The following SOX5 variants were observed in gnomAD, a reference collection of about 807,000 sequenced individuals.
SOX5 encodes SRY-box transcription factor 5.
In SOX5, 9 loss-of-function variants were observed where a neutral mutation model predicts 92.0. The ratio of observed to expected loss-of-function variants is 0.10; its 90% CI spans 0.06 to 0.17. The LOEUF (loss-of-function observed/expected upper bound fraction) is 0.17, where lower values mean the gene tolerates loss of function less well. Among genes scored for constraint, SOX5 ranks in the 10% least tolerant of loss-of-function variants. SOX5 has a pLI of 1.00. For synonymous variants in SOX5, 344 were observed against 336.3 expected (o/e 1.02, Z -0.25); for missense variants, 642 against 944.5 (o/e 0.68, Z 4.20).
At chr12:24,117,555 T>C (rs1461944729) in intron 4 of SOX5, among the ~76,000 whole-genome samples, 1 of 152,142 alleles carries the variant, frequency 6.6e-6, no homozygotes, top group East Asian at 1.9e-4. Context: ...AGCCAACATA[T>C]GAAAGCAACC....
At chr12:23,961,147 C>T (rs902955240) in intron 4 of SOX5, among the ~76,000 whole-genome samples, 1 of 152,002 alleles carries the variant, frequency 6.6e-6, no homozygotes, top group African/African-American at 2.4e-5. Flanking sequence ...ATTATTTCAC[C>T]TGTTAGAATG....
chr12:24,544,184 T>A (rs1413427414), intron 1 of SOX5, among the ~76,000 whole-genome samples: 2 of 152,164 alleles, frequency 1.3e-5, no homozygotes, highest in Non-Finnish European at 2.9e-5. Context: ...AAGATTTTAA[T>A]AAGGAAGCTA....
chr12:23,558,276 G>T (rs1161224316), intron 11 of SOX5, among the ~76,000 whole-genome samples: 1 of 152,110 alleles, frequency 6.6e-6, no homozygotes, highest in Non-Finnish European at 1.5e-5. Context: ...ATTTAAAGTA[G>T]TCTCTTTTCC....
intron 2 of SOX5, among the ~76,000 whole-genome samples, chr12:24,309,170 T>G (rs1452576871): frequency 2.0e-5 from 3 of 152,216 alleles, no homozygotes; most frequent in Admixed American, 2.0e-4. Context: ...TTCTTCTTCC[T>G]TGGGGAGCCT....
At chr12:24,386,579 T>C (rs1958441144) in intron 1 of SOX5, among the ~76,000 whole-genome samples, 1 of 152,118 alleles carries the variant, frequency 6.6e-6, no homozygotes, top group East Asian at 1.9e-4. Context: ...ATATATGAAA[T>C]TGGCAAGAAT....
At position 24,260,856 on chromosome 12, in the gene SOX5, G is replaced by GCA. The variant is rs544030083; in HGVS notation, c.-77+16358_-77+16359dup. ...AATTTCTCAACTTTGGGTTGATGAAGCACTATACTATTAAGAGTGTGAGCT... is the reference window on the plus strand; with the variant it reads ...AATTTCTCAACTTTGGGTTGATGAAGCACACTATACTATTAAGAGTGTGAGCT... On this transcript the variant is annotated intron_variant, in intron 3 of 4. Transcript: ENST00000446891. Among the ~76,000 whole-genome samples, 61 of 152,268 alleles carry GCA rather than the reference G, an allele frequency of 4.0e-4. No homozygotes were observed. The East Asian group carries it at 8.5e-3, about 21-fold the overall frequency.
intron 9 of SOX5, among the ~76,000 whole-genome samples, chr12:23,578,136 A>AAAAAAAAAAAAAAT (rs1949498283): frequency 6.8e-6 from 1 of 146,364 alleles, no homozygotes; most frequent in Non-Finnish European, 1.5e-5. Flanking sequence ...AAAAAAAAAA[A>AAAAAAAAAAAAAAT]AAAAAAAAAA....
At chr12:24,299,890 C>G (rs1947755499) in intron 2 of SOX5, among the ~76,000 whole-genome samples, 1 of 152,128 alleles carries the variant, frequency 6.6e-6, no homozygotes, top group Non-Finnish European at 1.5e-5. Flanking sequence ...ACCATGCTCT[C>G]TGTGTGATAT....
At chr12:23,534,551 A>G (rs767912930) in intron 14 of SOX5, 29 bp from the exon 15 acceptor site, 14 of 1,580,234 alleles carry the variant, frequency 8.9e-6, no homozygotes, top group Non-Finnish European at 1.2e-5. Flanking sequence ...CCAAAAAGAC[A>G]TCGTGGGTAA....
intron 1 of SOX5, among the ~76,000 whole-genome samples, chr12:24,408,569 A>G (rs1963472778): frequency 6.6e-6 from 1 of 152,172 alleles, no homozygotes; most frequent in Admixed American, 6.6e-5. Context: ...ACCCCTGGAA[A>G]CCACTGATCT....
chr12:24,185,057 CAG>C (rs1475638229), intron 4 of SOX5, among the ~76,000 whole-genome samples: 1 of 152,082 alleles, frequency 6.6e-6, no homozygotes, highest in African/African-American at 2.4e-5. Flanking sequence ...ACAGCATTGA[CAG>C]TGCTCACTGC....
At chr12:24,475,529 T>G (rs1440178104) in intron 1 of SOX5, among the ~76,000 whole-genome samples, 2 of 152,244 alleles carry the variant, frequency 1.3e-5, no homozygotes, top group Non-Finnish European at 2.9e-5. Context: ...TGTGAGGACC[T>G]GCACTGTCAC....
intron 6 of SOX5, among the ~76,000 whole-genome samples, chr12:23,677,882 C>A (rs941069925): frequency 5.3e-5 from 8 of 152,100 alleles, no homozygotes; most frequent in African/African-American, 1.4e-4. Flanking sequence ...CAATACAGCT[C>A]CCCCAATTCA....
chr12:24,254,715 T>C (rs1324038464), intron 3 of SOX5, among the ~76,000 whole-genome samples: 1 of 21,394 alleles, frequency 4.7e-5, no homozygotes, highest in African/African-American at 8.2e-5. Context: ...TTTGGGCTGC[T>C]CAAATATATA....
intron 2 of SOX5, among the ~76,000 whole-genome samples, chr12:23,886,752 ACAAAAAGATTTTAGTTAAAT>A (rs1221973387): frequency 6.6e-6 from 1 of 152,184 alleles, no homozygotes; most frequent in African/African-American, 2.4e-5. Context: ...AAATTTGAAG[ACAAAAAGATTTTAGTTAAAT>A]CAAAAACTGA....
chr12:24,287,349 C>A (rs1307063808), intron 2 of SOX5, among the ~76,000 whole-genome samples: 1 of 151,840 alleles, frequency 6.6e-6, no homozygotes, highest in Non-Finnish European at 1.5e-5. Flanking sequence ...TTAACTTTTT[C>A]TCGTCTTTAA....
intron 3 of SOX5, among the ~76,000 whole-genome samples, chr12:23,819,792 G>C (rs1389333040): frequency 6.6e-6 from 1 of 152,140 alleles, no homozygotes; most frequent in Non-Finnish European, 1.5e-5. Context: ...ACCATTTCAT[G>C]GTGTATATGT....
At chr12:23,715,464 A>T (rs2092419600) in intron 6 of SOX5, among the ~76,000 whole-genome samples, 1 of 152,208 alleles carries the variant, frequency 6.6e-6, no homozygotes, top group Non-Finnish European at 1.5e-5. Flanking sequence ...AAATGAAAAT[A>T]GTTAAAACTT....
intron 4 of SOX5, among the ~76,000 whole-genome samples, chr12:23,746,999 T>TGACTGTGAGGCCTCCAC (rs1466249889): frequency 6.6e-6 from 1 of 152,140 alleles, no homozygotes; most frequent in African/African-American, 2.4e-5. Context: ...CTTTCCTCCA[T>TGACTGTGAGGCCTCCAC]GACTGTGAGG....
Sources: gnomAD v4.1 joint callset for allele counts (sites outside exome capture counted in the v4.1 genomes callset) on GRCh38, gnomAD v4.1.1 for gene constraint, MANE v1.5 for transcripts, NCBI Gene and HGNC (gene_info 2026-07-23, HGNC 2026-07-21) for gene names.